Variants in SCG5 observed in about 807,000 individuals in gnomAD.
The protein encoded by SCG5 is secretogranin V.
SCG5 carries 18 observed loss-of-function variants against 25.7 expected under a neutral mutation model. The ratio of observed to expected loss-of-function variants is 0.70; its 90% CI spans 0.48 to 1.04. The LOEUF (loss-of-function observed/expected upper bound fraction) is 1.04. Ranked by LOEUF, SCG5 falls within the 50% of genes least tolerant of loss-of-function variation. The pLI, the probability that SCG5 is intolerant of heterozygous loss-of-function variation, is 0.00. For missense variants in SCG5, 206 were observed against 259.8 expected (o/e 0.79, Z 1.42); for synonymous variants, 101 against 91.7 (o/e 1.10, Z -0.58).
chr15:32,668,526 C>T (rs892060649), intron 2 of SCG5, among the ~76,000 whole-genome samples: 2 of 152,238 alleles, frequency 1.3e-5, no homozygotes, highest in Non-Finnish European at 2.9e-5. Context: ...CTGGCCAGTG[C>T]GGAACCAGGT....
intron 2 of SCG5, among the ~76,000 whole-genome samples, chr15:32,666,731 C>T (rs1413694157): frequency 1.3e-5 from 2 of 152,218 alleles, no homozygotes; most frequent in Admixed American, 1.3e-4. Flanking sequence ...AAAAGCCTTA[C>T]AAGGACTATT....
intron 5 of SCG5, among the ~76,000 whole-genome samples, chr15:32,694,914 G>A (rs1461983367): frequency 6.6e-6 from 1 of 152,206 alleles, no homozygotes; most frequent in African/African-American, 2.4e-5. Flanking sequence ...TATTTCATGG[G>A]CAAGAGAGCT....
intron 4 of SCG5, among the ~76,000 whole-genome samples, chr15:32,686,332 G>A (rs2054708039): frequency 6.6e-6 from 1 of 152,154 alleles, no homozygotes; most frequent in Non-Finnish European, 1.5e-5. Context: ...GAAGTAAAAG[G>A]AGAAGAGACT....
chr15:32,684,434 T>A (rs1374406137), intron 3 of SCG5, 123 bp from the exon 4 acceptor site: 1 of 648,612 alleles, frequency 1.5e-6, no homozygotes, highest in Non-Finnish European at 2.8e-6. Context: ...CTGCTAGTGT[T>A]CTAAGTTACT....
At chr15:32,687,465 A>G (rs983248362) in intron 4 of SCG5, among the ~76,000 whole-genome samples, 1 of 152,186 alleles carries the variant, frequency 6.6e-6, no homozygotes, top group African/African-American at 2.4e-5. Flanking sequence ...TTATTTTCTC[A>G]TTACTACCTA....
chr15:32,675,241 G>T (rs980353290), intron 2 of SCG5, among the ~76,000 whole-genome samples: 1 of 152,216 alleles, frequency 6.6e-6, no homozygotes, highest in Non-Finnish European at 1.5e-5. Context: ...TTTCAAAGCT[G>T]TAAGTGAAAG....
intron 2 of SCG5, among the ~76,000 whole-genome samples, chr15:32,668,623 G>A (rs574986799): frequency 1.3e-5 from 2 of 152,334 alleles, no homozygotes; most frequent in South Asian, 4.1e-4. Flanking sequence ...GTCCAACACA[G>A]TTCCTGCTAA....
In SCG5 at chr15:32,670,912, G is replaced by T. The variant is rs78384363; in HGVS notation, c.227-8854G>T. ...CCATGATCACCACAATGAAAAATATGCAGGATCATTAATTTCGGCTCTGTT... is the reference window on the plus strand; with the variant it reads ...CCATGATCACCACAATGAAAAATATTCAGGATCATTAATTTCGGCTCTGTT... On this transcript the variant is annotated intron_variant, in intron 2 of 5. Transcript: ENST00000300175. Among the ~76,000 whole-genome samples the T allele has an allele frequency of 5.4e-4, 83 of 152,340 alleles. No homozygotes were observed. In the East Asian group the frequency reaches 0.016, roughly 29 times the overall value.
At position 32,643,680 on chromosome 15, in the gene SCG5, C is replaced by G. The variant is rs532967380; in HGVS notation, c.88C>G (p.Arg30Gly). The change falls in exon 2 of 6, where the codon CGG (arginine) becomes GGG (glycine). Residue 30 changes from arginine (R) to glycine (G), a missense_variant. Physicochemically the swap from Arg to Gly is moderately radical, Grantham distance 125 (BLOSUM62 -2). Coordinates refer to ENST00000300175, the MANE Select transcript of SCG5 (RefSeq NM_001144757.3). ...GACTCCAGCATTTGCTTACAGCCCC[C>G]GGACCCCTGACCGGGTCTCAGAAGC... ...GWTPAFAYSP[R>G]TPDRVSEADI... The G allele has an allele frequency of 6.2e-7, 1 of 1,613,758 alleles. No homozygotes were observed. The highest frequency in any genetic ancestry group is 1.7e-5 in the Admixed American group (1 of 60,006).
intron 2 of SCG5, among the ~76,000 whole-genome samples, chr15:32,654,067 C>G (rs12903437): frequency 0.17 from 26,307 of 152,114 alleles, 2,530 homozygotes; most frequent in South Asian, 0.25. Flanking sequence ...TGGAGGCAGG[C>G]AAGGAGGGTG....
chr15:32,694,472 A>C (rs1039018586), intron 5 of SCG5, among the ~76,000 whole-genome samples: 2 of 152,202 alleles, frequency 1.3e-5, no homozygotes, highest in African/African-American at 4.8e-5. Flanking sequence ...TTTGAGCTCT[A>C]CTATTGATCT....
chr15:32,663,165 A>G (rs938193526), intron 2 of SCG5, among the ~76,000 whole-genome samples: 1 of 150,286 alleles, frequency 6.7e-6, no homozygotes, highest in African/African-American at 2.4e-5. Flanking sequence ...TTATTGAGAT[A>G]TAATTCACAT....
At chr15:32,647,793 A>G (rs2053967459) in intron 2 of SCG5, among the ~76,000 whole-genome samples, 1 of 152,214 alleles carries the variant, frequency 6.6e-6, no homozygotes, top group African/African-American at 2.4e-5. Flanking sequence ...TTAAATAAAC[A>G]AATAAGTATT....
intron 2 of SCG5, among the ~76,000 whole-genome samples, chr15:32,645,404 C>T (rs945198779): frequency 1.9e-4 from 29 of 152,196 alleles, no homozygotes; most frequent in African/African-American, 7.0e-4. Context: ...ATATACCAGG[C>T]ACTAGGCAGG....
chr15:32,656,379 A>G (rs990636030), intron 2 of SCG5: 1 of 152,260 alleles, frequency 6.6e-6, no homozygotes, highest in Admixed American at 6.5e-5. Context: ...AGGCACATGT[A>G]GGAAGTGGAA....
At chr15:32,685,297 ATTC>A (rs1358702784) in intron 4 of SCG5, among the ~76,000 whole-genome samples, 1 of 152,238 alleles carries the variant, frequency 6.6e-6, no homozygotes, top group Non-Finnish European at 1.5e-5. Flanking sequence ...ATCTAATTAT[ATTC>A]TTCCATTTGC....
intron 2 of SCG5, chr15:32,656,401 A>G (rs1175703513): frequency 6.6e-6 from 1 of 152,250 alleles, no homozygotes; most frequent in Non-Finnish European, 1.5e-5. Context: ...TGTGGTAACT[A>G]AATTTTATAT....
intron 3 of SCG5, 35 bp from the exon 4 acceptor site, chr15:32,684,522 T>C (rs1412295175): frequency 7.7e-7 from 1 of 1,304,482 alleles, no homozygotes; most frequent in Non-Finnish European, 1.1e-6. Context: ...GATGAATGTC[T>C]TGGCCGTTCC....
intron 2 of SCG5, among the ~76,000 whole-genome samples, chr15:32,668,116 C>T (rs542512878): frequency 2.6e-5 from 4 of 152,330 alleles, no homozygotes; most frequent in South Asian, 2.1e-4. Context: ...CCCTCCCCAA[C>T]GTACACACCA....
Sources: allele counts gnomAD v4.1 joint callset (sites outside exome capture counted in the v4.1 genomes callset), GRCh38; gene constraint gnomAD v4.1.1; transcripts MANE v1.5; gene names NCBI Gene and HGNC (gene_info 2026-07-23, HGNC 2026-07-21).